NUP210: variants seen among roughly 807,000 people sequenced by gnomAD.
NUP210 encodes the protein nucleoporin 210.
A neutral mutation model predicts 196.0 loss-of-function variants in NUP210; 151 were observed. That is an observed-to-expected ratio of 0.77 (90% confidence interval 0.67 to 0.88). The LOEUF (loss-of-function observed/expected upper bound fraction) is 0.88, where lower values mean the gene tolerates loss of function less well. Among genes scored for constraint, NUP210 ranks in the 40% least tolerant of loss-of-function variants. The probability of loss-of-function intolerance (pLI) is 0.00; values close to 1 mark genes in which losing one functional copy is unlikely to be tolerated. For synonymous variants in NUP210, 1,070 were observed against 1,052.7 expected (o/e 1.02, Z -0.32); for missense variants, 2,314 against 2,493.7 (o/e 0.93, Z 1.53).
intron 9 of NUP210, 110 bp from the exon 10 acceptor site, chr3:13,376,541 G>A: frequency 8.3e-7 from 1 of 1,208,896 alleles, no homozygotes; most frequent in Non-Finnish European, 1.2e-6. Flanking sequence ...CAGGCCAAGG[G>A]GCCCCCTGGG....
chr3:13,321,927 A>G, intron 35 of NUP210, 92 bp from the exon 36 acceptor site: 1 of 1,512,316 alleles, frequency 6.6e-7, no homozygotes. Flanking sequence ...GGGGATTCCT[A>G]TGCATCCTCC....
chr3:13,361,539 G>A (rs1050203029), intron 14 of NUP210, among the ~76,000 whole-genome samples: 2 of 152,112 alleles, frequency 1.3e-5, no homozygotes, highest in East Asian at 1.9e-4. Context: ...GCAGGGGTGC[G>A]GAGAGGAGGG....
chr3:13,327,984 G>C (rs950634046), intron 31 of NUP210, among the ~76,000 whole-genome samples: 1 of 152,242 alleles, frequency 6.6e-6, no homozygotes, highest in Non-Finnish European at 1.5e-5. Flanking sequence ...TGGTGCAGAA[G>C]TGTGGACTGC....
At chr3:13,366,169 C>T (rs1224497974) in intron 13 of NUP210, 78 bp from the exon 14 acceptor site, 1 of 1,433,728 alleles carries the variant, frequency 7.0e-7, no homozygotes. Context: ...CGCTGTGTTG[C>T]CCAGGCTGGA....
At chr3:13,343,609 G>T (rs534060970) in intron 20 of NUP210, among the ~76,000 whole-genome samples, 73 of 152,326 alleles carry the variant, frequency 4.8e-4, no homozygotes, top group African/African-American at 1.7e-3. Flanking sequence ...ATTTTACAAA[G>T]AGAAGAAAAT....
intron 16 of NUP210, among the ~76,000 whole-genome samples, chr3:13,354,949 C>T (rs974494751): frequency 4.6e-5 from 7 of 152,216 alleles, no homozygotes; most frequent in Admixed American, 6.5e-5. Context: ...GGCTATCCCT[C>T]CCTTCTCTGG....
At chr3:13,337,637 G>C (rs935598633) in intron 26 of NUP210, among the ~76,000 whole-genome samples, 200 bp downstream of exon 26, 8 of 152,250 alleles carry the variant, frequency 5.3e-5, no homozygotes, top group African/African-American at 1.9e-4. Context: ...GAAGGTGACA[G>C]GCCAGCAGGA....
In NUP210 at chr3:13,377,599, C is replaced by T. The variant is rs542701724; in HGVS notation, c.1046-37G>A. The T allele has an allele frequency of 4.3e-5, 65 of 1,502,754 alleles. 1 individual carries two copies. In the East Asian group the frequency reaches 1.4e-3, roughly 33 times the overall value. The allele number at this position is 1,502,754 out of a possible 1,614,324, so 93.1% of individuals were successfully genotyped here. On this transcript the variant is annotated intron_variant, in intron 8 of 39. Coordinates refer to ENST00000254508, the MANE Select transcript of NUP210 (RefSeq NM_024923.4). The stretch of plus-strand genomic sequence containing the variant: ...AGAGGGAGCCTGAGCACTCAGGCCT[C>T]AGGGGCAGCAGGGTGGAGGAGGATG...
At chr3:13,351,833 G>C (rs762356597) in intron 20 of NUP210, 46 bp downstream of exon 20, 1 of 1,217,916 alleles carries the variant, frequency 8.2e-7, no homozygotes, top group Non-Finnish European at 1.2e-6. Context: ...CAACAGCCCA[G>C]ATAAGGAATG....
chr3:13,341,037 C>T (rs979011116), intron 23 of NUP210: 6 of 152,290 alleles, frequency 3.9e-5, no homozygotes, highest in African/African-American at 1.4e-4. Context: ...ATGGCACCCA[C>T]CTGCTTCGGA....
At chr3:13,335,341 A>C in intron 28 of NUP210, 113 bp downstream of exon 28, 1 of 1,252,058 alleles carries the variant, frequency 8.0e-7, no homozygotes, top group Non-Finnish European at 1.1e-6. Context: ...CCACGGACTG[A>C]GAGCTTCTCA....
chr3:13,410,019 A>ATT (rs34707109), intron 1 of NUP210, among the ~76,000 whole-genome samples: 9 of 138,024 alleles, frequency 6.5e-5, no homozygotes, highest in Non-Finnish European at 1.1e-4. Context: ...CACCCAGCTA[A>ATT]TTTTTTTTTT....
intron 30 of NUP210, 76 bp downstream of exon 30, chr3:13,330,384 C>T (rs2124842535): frequency 1.4e-6 from 2 of 1,401,382 alleles, no homozygotes; most frequent in East Asian, 2.3e-5. Context: ...AACGTATTCA[C>T]TTTTACACCT....
In NUP210 at chr3:13,317,469, GA is replaced by G. The variant is rs1696313652; in HGVS notation, c.*211del. 12 of 568,542 alleles carry G rather than the reference GA, an allele frequency of 2.1e-5. No homozygotes were observed. Among genetic ancestry groups the G allele is most frequent in the Non-Finnish European group, 3.4e-5 (11 of 319,240 alleles). The allele number at this position is 568,542 out of a possible 1,614,324, so 35.2% of individuals were successfully genotyped here. ...GTCTTAGCTTTGTAAGACTTGAAAGGAAAAAAACACACATTTAAAACTCCTA... is the reference window on the plus strand; with the variant it reads ...GTCTTAGCTTTGTAAGACTTGAAAGGAAAAAACACACATTTAAAACTCCTA... On this transcript the variant is annotated 3_prime_UTR_variant, in exon 40 of 40. Coordinates refer to ENST00000254508, the MANE Select transcript of NUP210 (RefSeq NM_024923.4).
chr3:13,402,825 G>A (rs1014487248), intron 1 of NUP210, among the ~76,000 whole-genome samples: 1 of 152,202 alleles, frequency 6.6e-6, no homozygotes, highest in South Asian at 2.1e-4. Context: ...CCTGCCCCAT[G>A]CATACACAAC....
At position 13,340,404 on chromosome 3, in the gene NUP210, C is replaced by T. The variant is rs1354024520; in HGVS notation, c.3229-106G>A. 5 of 977,064 alleles carry T rather than the reference C, an allele frequency of 5.1e-6. No individual in the cohort carries two copies. The highest frequency in any genetic ancestry group is 2.8e-5 in the South Asian group (2 of 70,768). The allele number at this position is 977,064 out of a possible 1,614,324, so 60.5% of individuals were successfully genotyped here. A position where few individuals can be genotyped will look rare whatever the true frequency, so the allele number is the denominator to read the frequency against. ...ATGAGAGGAAAACCTGGGACATGGA[C>T]ATCACTTCTCTCTGAGCAGTGACCA... is the stretch of plus-strand genomic sequence containing the variant. On this transcript the variant is annotated intron_variant, in intron 23 of 39. Coordinates refer to ENST00000254508, the MANE Select transcript of NUP210 (RefSeq NM_024923.4). The surrounding 1 kb of genome is among the most constrained non-coding windows in gnomAD (Gnocchi z 4.0).
chr3:13,372,793 G>A (rs544522489), intron 12 of NUP210, among the ~76,000 whole-genome samples: 17 of 152,256 alleles, frequency 1.1e-4, no homozygotes, highest in African/African-American at 3.6e-4. Context: ...TGCAAGCCCC[G>A]CCAGCTGGCC....
intron 2 of NUP210, among the ~76,000 whole-genome samples, chr3:13,398,111 C>G (rs1699724012): frequency 6.6e-6 from 1 of 152,174 alleles, no homozygotes; most frequent in Admixed American, 6.5e-5. Flanking sequence ...TTTTCTTGCA[C>G]AGCAATACGG....
intron 1 of NUP210, among the ~76,000 whole-genome samples, chr3:13,418,790 AAAACAAACAAAC>A (rs375003927): frequency 6.6e-6 from 1 of 151,484 alleles, no homozygotes; most frequent in Non-Finnish European, 1.5e-5. Context: ...GTGCACTCTA[AAAACAAACAAAC>A]AAACAAACAA....
Sources: gnomAD v4.1 joint callset for allele counts (sites outside exome capture counted in the v4.1 genomes callset) on GRCh38, gnomAD v4.1.1 for gene constraint, Gnocchi (gnomAD v3.1) non-coding constraint, MANE v1.5 for transcripts, NCBI Gene and HGNC (gene_info 2026-07-23, HGNC 2026-07-21) for gene names.